ROBO1: variants seen among roughly 807,000 people sequenced by gnomAD.
ROBO1 encodes the protein roundabout guidance receptor 1, also known as roundabout homolog 1.
A neutral mutation model predicts 195.9 loss-of-function variants in ROBO1; 149 were observed. The observed-to-expected ratio is 0.76, with a 90% CI of 0.67 to 0.87. The LOEUF is 0.87. ROBO1 is among the 40% of genes least tolerant of loss of function. The probability of loss-of-function intolerance (pLI) is 0.00; values close to 1 mark genes in which losing one functional copy is unlikely to be tolerated. For missense variants in ROBO1, 1,933 were observed against 2,068.3 expected, an observed-to-expected ratio of 0.93 and a Z score of 1.27; for synonymous variants, 816 against 733.2, an observed-to-expected ratio of 1.11 and a Z score of -1.82.
chr3:78,892,181 A>G (rs2036942928), intron 4 of ROBO1, among the ~76,000 whole-genome samples: 1 of 152,194 alleles, frequency 6.6e-6, no homozygotes, highest in East Asian at 1.9e-4. Flanking sequence ...GCAACATGGC[A>G]AAACCCTGTC....
intron 2 of ROBO1, chr3:79,507,941 A>G (rs1452340084): frequency 1.9e-5 from 3 of 154,270 alleles, no homozygotes; most frequent in Non-Finnish European, 4.4e-5. Context: ...AGAGGAAACT[A>G]GTAATGTTGG....
At chr3:79,688,625 G>A (rs969055044) in intron 1 of ROBO1, among the ~76,000 whole-genome samples, 5 of 151,480 alleles carry the variant, frequency 3.3e-5, no homozygotes, top group African/African-American at 7.3e-5. Flanking sequence ...TTATACTTTC[G>A]CATGTTATTT....
chr3:79,081,673 C>T (rs113887149), intron 3 of ROBO1, among the ~76,000 whole-genome samples: 1 of 152,176 alleles, frequency 6.6e-6, no homozygotes, highest in African/African-American at 2.4e-5. Flanking sequence ...GTGGTGCTAA[C>T]AAACACAATA....
intron 2 of ROBO1, among the ~76,000 whole-genome samples, chr3:79,369,884 T>C (rs2036125339): frequency 6.6e-6 from 1 of 152,158 alleles, no homozygotes; most frequent in African/African-American, 2.4e-5. Context: ...TTGCAAGTAG[T>C]TACTAACTTG....
chr3:79,115,070 G>A (rs1380456485), intron 3 of ROBO1, among the ~76,000 whole-genome samples: 1 of 152,086 alleles, frequency 6.6e-6, no homozygotes, highest in Admixed American at 6.6e-5. Flanking sequence ...CTTGTGACTT[G>A]GGTCTAGGAA....
chr3:79,624,492 G>A (rs1349781101), intron 1 of ROBO1, among the ~76,000 whole-genome samples: 1 of 151,884 alleles, frequency 6.6e-6, no homozygotes, highest in Non-Finnish European at 1.5e-5. Flanking sequence ...TCAAAATAAA[G>A]GGATAGAGAA....
At chr3:79,334,048 G>A (rs1322561707) in intron 2 of ROBO1, among the ~76,000 whole-genome samples, 3 of 151,952 alleles carry the variant, frequency 2.0e-5, no homozygotes, top group African/African-American at 7.3e-5. Flanking sequence ...GCTCACGCCT[G>A]TAATCCCAGC....
At chr3:79,579,582 C>T (rs9825101) in intron 2 of ROBO1, among the ~76,000 whole-genome samples, 74,224 of 151,948 alleles carry the variant, frequency 0.49, 18,260 homozygotes, top group Non-Finnish European at 0.51. Context: ...CCTTAACTTA[C>T]TGTGTCATGG....
intron 2 of ROBO1, among the ~76,000 whole-genome samples, chr3:79,236,538 T>C (rs944971922): frequency 6.6e-6 from 1 of 152,194 alleles, no homozygotes; most frequent in African/African-American, 2.4e-5. Context: ...TAAAGTCTTT[T>C]TGTACAGGGA....
chr3:78,888,862 ATTGAT>A (rs1365130786), intron 4 of ROBO1, among the ~76,000 whole-genome samples: 1 of 152,212 alleles, frequency 6.6e-6, no homozygotes, highest in African/African-American at 2.4e-5. Flanking sequence ...TTACATTAAG[ATTGAT>A]TTAAGATATA....
At chr3:79,596,237 T>C (rs956298487) in intron 1 of ROBO1, among the ~76,000 whole-genome samples, 1 of 152,054 alleles carries the variant, frequency 6.6e-6, no homozygotes, top group Non-Finnish European at 1.5e-5. Flanking sequence ...ACAGCTAATC[T>C]ATGGAGAGCT....
At chr3:78,655,204 G>C (rs182565633) in intron 18 of ROBO1, among the ~76,000 whole-genome samples, 2 of 152,240 alleles carry the variant, frequency 1.3e-5, no homozygotes, top group East Asian at 3.9e-4. Context: ...TAACATGAGT[G>C]CAAAAATCAA....
chr3:79,754,178 G>A (rs1175021117), intron 1 of ROBO1, among the ~76,000 whole-genome samples: 1 of 152,162 alleles, frequency 6.6e-6, no homozygotes, highest in Non-Finnish European at 1.5e-5. Context: ...AATCTGATGA[G>A]CCATGGCCCC....
intron 4 of ROBO1, among the ~76,000 whole-genome samples, chr3:78,915,187 A>T (rs2038483764): frequency 6.6e-6 from 1 of 152,164 alleles, no homozygotes; most frequent in Non-Finnish European, 1.5e-5. Flanking sequence ...GCTCAAATAT[A>T]TGAAACTGAC....
intron 21 of ROBO1, among the ~76,000 whole-genome samples, chr3:78,643,599 A>C (rs951968201): frequency 3.9e-5 from 6 of 152,080 alleles, no homozygotes; most frequent in Admixed American, 3.9e-4. Context: ...GCACATTTTG[A>C]GGTGTGAAGT....
At chr3:78,723,874 G>A (rs1010652727) in intron 5 of ROBO1, among the ~76,000 whole-genome samples, 1 of 152,162 alleles carries the variant, frequency 6.6e-6, no homozygotes, top group African/African-American at 2.4e-5. Context: ...AATATTTATT[G>A]TAGTTAAGGA....
At chr3:78,707,983 G>T (rs994297403) in intron 8 of ROBO1, among the ~76,000 whole-genome samples, 1 of 152,164 alleles carries the variant, frequency 6.6e-6, no homozygotes, top group Non-Finnish European at 1.5e-5. Flanking sequence ...GGCCGTTCTT[G>T]GTTCGGTTTC....
chr3:79,625,423 G>GAAAAAAAAAAAAAAAAAAAAGA (rs1945138077), intron 1 of ROBO1, among the ~76,000 whole-genome samples: 1 of 13,876 alleles, frequency 7.2e-5, no homozygotes, highest in Non-Finnish European at 1.3e-4. Flanking sequence ...TGTTTTTTTT[G>GAAAAAAAAAAAAAAAAAAAAGA]AAAAAAAAAA....
chr3:79,293,169 T>C (rs1413170265), intron 2 of ROBO1, among the ~76,000 whole-genome samples: 1 of 152,212 alleles, frequency 6.6e-6, no homozygotes, highest in Non-Finnish European at 1.5e-5. Flanking sequence ...TGCATAGAGG[T>C]GTTCATAGTA....
Sources: gnomAD v4.1 joint callset for allele counts (sites outside exome capture counted in the v4.1 genomes callset) on GRCh38, gnomAD v4.1.1 for gene constraint, MANE v1.5 for transcripts, NCBI Gene and HGNC (gene_info 2026-07-23, HGNC 2026-07-21) for gene names.